FER: variants seen among roughly 807,000 people sequenced by gnomAD.
FER encodes the protein tyrosine-protein kinase Fer.
A neutral mutation model predicts 111.0 loss-of-function variants in FER; 63 were observed. The ratio of observed to expected loss-of-function variants is 0.57; its 90% CI spans 0.46 to 0.70. The LOEUF (loss-of-function observed/expected upper bound fraction) is 0.70. FER is among the 30% of genes least tolerant of loss of function. The pLI is 0.00. For missense variants in FER, 914 were observed against 954.0 expected (o/e 0.96, Z 0.55); for synonymous variants, 327 against 313.9 (o/e 1.04, Z -0.44).
intron 17 of FER, among the ~76,000 whole-genome samples, chr5:109,159,028 A>T (rs1755711622): frequency 6.6e-6 from 1 of 152,162 alleles, no homozygotes; most frequent in Non-Finnish European, 1.5e-5. Context: ...GGGATATAAT[A>T]TAGTATGTTT....
At chr5:108,931,392 C>T (rs72793922) in intron 10 of FER, among the ~76,000 whole-genome samples, 18,976 of 152,022 alleles carry the variant, frequency 0.12, 1,243 homozygotes, top group Middle Eastern at 0.17. Flanking sequence ...ATTTAATAAA[C>T]TTATGTCACT....
chr5:109,116,985 A>G (rs17450455), intron 17 of FER, among the ~76,000 whole-genome samples: 3 of 152,006 alleles, frequency 2.0e-5, no homozygotes, highest in Admixed American at 6.6e-5. Flanking sequence ...TATGTGTCAG[A>G]ATTTTGGAAG....
chr5:108,817,103 CAAAAAAAAAAAAAAAAA>C (rs70999913), intron 3 of FER, among the ~76,000 whole-genome samples: 85 of 59,192 alleles, frequency 1.4e-3, no homozygotes, highest in East Asian at 4.9e-3. Flanking sequence ...GACACTGTCT[CAAAAAAAAAAAAAAAAA>C]AAAAAAAAAA....
In FER at chr5:108,860,912, G is replaced by C. The variant is rs140704265; in HGVS notation, c.482-6855G>C. 4.2e-3 allele frequency among the ~76,000 whole-genome samples: 638 copies of C among 152,256 alleles called. 5 individuals carry two copies. Among genetic ancestry groups the C allele is most frequent in the African/African-American group, 0.015 (619 of 41,550 alleles). ...AGGTGAGAGAGACTGAGCAAGAGTA[G>C]GGAAAACTGCCTTGTAAAACCACCA... On this transcript the variant is annotated intron_variant, in intron 5 of 19. Transcript: ENST00000281092.
chr5:108,842,601 T>C (rs968444145), intron 5 of FER: 4 of 152,096 alleles, frequency 2.6e-5, no homozygotes, highest in Admixed American at 2.6e-4. Context: ...TAGACAATTC[T>C]CAAAAGAAGA....
chr5:108,809,216 C>G (rs1335020781), intron 3 of FER, among the ~76,000 whole-genome samples: 2 of 152,162 alleles, frequency 1.3e-5, no homozygotes, highest in African/African-American at 2.4e-5. Context: ...CTCCTTCTTT[C>G]TCAGGAATGA....
chr5:108,951,248 A>C (rs1214910902), intron 11 of FER, among the ~76,000 whole-genome samples: 1 of 152,114 alleles, frequency 6.6e-6, no homozygotes, highest in Non-Finnish European at 1.5e-5. Flanking sequence ...TGGGTGACAG[A>C]GCAAGACTCC....
chr5:109,088,196 G>C (rs141106249), intron 16 of FER, among the ~76,000 whole-genome samples: 1 of 152,074 alleles, frequency 6.6e-6, no homozygotes, highest in East Asian at 1.9e-4. Context: ...TTCTGAATTG[G>C]TAGGTTCCCA....
At chr5:109,093,959 G>A (rs532707998) in intron 16 of FER, among the ~76,000 whole-genome samples, 79 of 152,154 alleles carry the variant, frequency 5.2e-4, no homozygotes, top group Non-Finnish European at 9.3e-4. Context: ...AACTTTGAGA[G>A]GGATAAGAAG....
At chr5:109,009,044 C>CTTTTTTTTTTTT (rs1030906789) in intron 13 of FER, among the ~76,000 whole-genome samples, 1 of 116,014 alleles carries the variant, frequency 8.6e-6, no homozygotes, top group Admixed American at 9.8e-5. Context: ...CCTCTTCAGT[C>CTTTTTTTTTTTT]TTTTTTTTTT....
chr5:108,785,371 C>T (rs964245750), intron 2 of FER: 1 of 583,454 alleles, frequency 1.7e-6, no homozygotes, highest in Admixed American at 1.9e-5. Flanking sequence ...GCCCCAGCAT[C>T]AAGATCTGGG....
intron 9 of FER, chr5:108,894,386 T>C: frequency 1.0e-6 from 1 of 960,646 alleles, no homozygotes; most frequent in East Asian, 5.2e-5. Context: ...CTGCATCCTG[T>C]AGCAACTGTT....
chr5:109,000,123 CT>C (rs1419179114), intron 13 of FER, among the ~76,000 whole-genome samples: 1 of 151,262 alleles, frequency 6.6e-6, no homozygotes, highest in Non-Finnish European at 1.5e-5. Flanking sequence ...TAATGTTGAC[CT>C]TTTTTTCATA....
At chr5:109,022,648 A>G (rs1207745386) in intron 13 of FER, among the ~76,000 whole-genome samples, 2 of 152,132 alleles carry the variant, frequency 1.3e-5, no homozygotes, top group African/African-American at 4.8e-5. Flanking sequence ...TGTGAGGGTC[A>G]CTTTAGTTAG....
chr5:108,984,010 T>C (rs898139344), intron 13 of FER, among the ~76,000 whole-genome samples: 5 of 152,072 alleles, frequency 3.3e-5, no homozygotes, highest in Admixed American at 2.6e-4. Context: ...GTGCTGGCAA[T>C]ACAGTAAAAA....
intron 17 of FER, among the ~76,000 whole-genome samples, chr5:109,127,891 A>G (rs769562642): frequency 2.6e-5 from 4 of 152,184 alleles, no homozygotes; most frequent in Non-Finnish European, 4.4e-5. Flanking sequence ...GTTATTTTTC[A>G]TAATATTGAA....
At chr5:108,881,531 G>C (rs1249722716) in intron 8 of FER, among the ~76,000 whole-genome samples, 2 of 152,150 alleles carry the variant, frequency 1.3e-5, no homozygotes, top group South Asian at 2.1e-4. Context: ...TGAGGACACA[G>C]CCAAACCATA....
intron 13 of FER, among the ~76,000 whole-genome samples, chr5:108,989,413 A>C (rs985686774): frequency 8.5e-5 from 13 of 152,064 alleles, no homozygotes; most frequent in African/African-American, 3.1e-4. Context: ...TTAAGAAATA[A>C]ATATTAAGAA....
At chr5:109,037,175 T>TAC (rs1770520766) in intron 13 of FER, among the ~76,000 whole-genome samples, 1 of 152,068 alleles carries the variant, frequency 6.6e-6, no homozygotes, top group African/African-American at 2.4e-5. Flanking sequence ...ATTACAGAGA[T>TAC]ACTATCATTT....
Sources: gnomAD v4.1 joint callset for allele counts (sites outside exome capture counted in the v4.1 genomes callset) on GRCh38, gnomAD v4.1.1 for gene constraint, MANE v1.5 for transcripts, NCBI Gene and HGNC (gene_info 2026-07-23, HGNC 2026-07-21) for gene names.